The following HRH2 variants were observed in gnomAD, a reference collection of about 807,000 sequenced individuals.
The protein encoded by HRH2 is histamine receptor H2.
Under a neutral mutation model 20.1 loss-of-function variants are expected in HRH2, and 4 were observed. The ratio of observed to expected loss-of-function variants is 0.20; its 90% CI spans 0.10 to 0.45. The LOEUF (loss-of-function observed/expected upper bound fraction) is 0.45, where lower values mean the gene tolerates loss of function less well. Among genes scored for constraint, HRH2 ranks in the 20% least tolerant of loss-of-function variants. HRH2 has a pLI of 0.99. For synonymous variants in HRH2, 197 were observed against 200.7 expected, an observed-to-expected ratio of 0.98 and a Z score of 0.16; for missense variants, 250 against 461.6, an observed-to-expected ratio of 0.54 and a Z score of 4.20.
At chr5:175,667,459 A>C (rs1489467790) in intron 1 of HRH2, among the ~76,000 whole-genome samples, 6 of 80,056 alleles carry the variant, frequency 7.5e-5, no homozygotes, top group South Asian at 9.3e-4. Context: ...CCCACCCCCC[A>C]AAAAAAGAAA....
intron 2 of HRH2, among the ~76,000 whole-genome samples, chr5:175,698,890 A>C (rs1300577820): frequency 2.0e-5 from 3 of 152,214 alleles, no homozygotes; most frequent in Non-Finnish European, 4.4e-5. Context: ...CCTTGCTGGG[A>C]GTCTCCCCGG....
intron 1 of HRH2, among the ~76,000 whole-genome samples, chr5:175,673,038 A>C (rs1447274186): frequency 6.6e-6 from 1 of 152,134 alleles, no homozygotes; most frequent in African/African-American, 2.4e-5. Context: ...GGGGATGCCG[A>C]TCATAAGGGG....
chr5:175,683,159 C>T lies in HRH2; in HGVS notation c.-75C>T, dbSNP rs1229230351. ...TGGGAGCTTGGAGTCCAGTGGTTGG[C>T]ATAGTTGTCACATTGGGAGCAGAGA... On this transcript the variant is annotated 5_prime_UTR_variant, in exon 2 of 3. Transcript: ENST00000636584. 14 of 1,512,952 alleles carry T rather than the reference C, an allele frequency of 9.3e-6. No individual in the cohort carries two copies. Among genetic ancestry groups the T allele is most frequent in the Non-Finnish European group, 1.2e-5 (14 of 1,123,408 alleles). 93.7% of individuals were successfully genotyped at this position (1,512,952 alleles called of 1,614,324 possible).
At chr5:175,662,968 A>G (rs944832198) in intron 1 of HRH2, among the ~76,000 whole-genome samples, 4 of 152,234 alleles carry the variant, frequency 2.6e-5, no homozygotes, top group African/African-American at 9.6e-5. Context: ...CATGTTTTTA[A>G]GGTTCATCCA....
At chr5:175,704,580 T>G (rs1756885325) in intron 2 of HRH2, among the ~76,000 whole-genome samples, 1 of 152,078 alleles carries the variant, frequency 6.6e-6, no homozygotes, top group Non-Finnish European at 1.5e-5. Flanking sequence ...TTCAACATAT[T>G]ACCGGAGATC....
chr5:175,685,742 A>C (rs7734193), intron 2 of HRH2: 2 of 562,486 alleles, frequency 3.6e-6, no homozygotes, highest in East Asian at 6.0e-5. Context: ...TGAAGCTCAC[A>C]TGAGCGAAGG....
chr5:175,675,310 GT>G, intron 1 of HRH2, among the ~76,000 whole-genome samples: 1 of 152,278 alleles, frequency 6.6e-6, no homozygotes, highest in South Asian at 2.1e-4. Context: ...AGTTCCCTGG[GT>G]GATCTTACGG....
At chr5:175,660,123 A>C (rs1057137467) in intron 1 of HRH2, among the ~76,000 whole-genome samples, 1 of 152,224 alleles carries the variant, frequency 6.6e-6, no homozygotes. Flanking sequence ...GCTGTGGTCC[A>C]TCTCTGCCAA....
chr5:175,685,410 C>T lies in HRH2; in HGVS notation c.1076+1101C>T, dbSNP rs981504543. 2.5e-5 allele frequency: 39 copies of T among 1,550,832 alleles called. No individual in the cohort carries two copies. The African/African-American group carries it at 5.2e-4, about 21-fold the overall frequency. On this transcript the variant is annotated intron_variant, in intron 2 of 2. Transcript: ENST00000636584. ...TTGCTTTCCTTTCTCTTCCCACAGA[C>T]CATGGCTTTGCCTTCCAGAATGCTG...
chr5:175,685,386 T>G (rs749528378), intron 2 of HRH2: 141 of 1,542,324 alleles, frequency 9.1e-5, no homozygotes, highest in Non-Finnish European at 1.2e-5. Context: ...CAATAAATGT[T>G]GCTTTCCTTT....
At chr5:175,675,274 A>G (rs1217933720) in intron 1 of HRH2, among the ~76,000 whole-genome samples, 1 of 152,176 alleles carries the variant, frequency 6.6e-6, no homozygotes, top group South Asian at 2.1e-4. Flanking sequence ...TGAAATCAAG[A>G]GATATGGGGT....
chr5:175,673,070 G>A (rs747687372), intron 1 of HRH2, among the ~76,000 whole-genome samples: 4 of 152,194 alleles, frequency 2.6e-5, no homozygotes, highest in Non-Finnish European at 5.9e-5. Context: ...AGTGGTAAGA[G>A]CGTGTAACAG....
At chr5:175,661,207 G>A (rs1762727915) in intron 1 of HRH2, among the ~76,000 whole-genome samples, 2 of 151,946 alleles carry the variant, frequency 1.3e-5, no homozygotes, top group Non-Finnish European at 2.9e-5. Flanking sequence ...GATCTTCTAG[G>A]ACCCCACAGT....
rs28524706 is a variant in HRH2 at position 175,698,280 on chromosome 5, G to A, written c.1077-9499G>A. Among the ~76,000 whole-genome samples, 1,104 of 152,270 alleles carry A rather than the reference G, an allele frequency of 7.3e-3. 15 individuals are homozygous for A. Among genetic ancestry groups the A allele is most frequent in the African/African-American group, 0.025 (1,045 of 41,556 alleles). On this transcript the variant is annotated intron_variant, in intron 2 of 2. Transcript: ENST00000636584. ...CATCTCCGTATCCCTCGTATTATCC[G>A]TCTGTGCCGTTTCGCCTAATCCATT...
rs1035003777 is a variant in HRH2 at position 175,683,947 on chromosome 5, C to T, written c.714C>T (p.Ala238=). ...REHKATVTLA[A]VMGAFIICWF... The stretch of plus-strand genomic sequence containing the variant: ...ACAAAGCCACAGTGACACTGGCCGC[C>T]GTCATGGGGGCCTTCATCATCTGCT... Residue 238 remains alanine (A), a synonymous_variant, in exon 2 of 3, where the codon GCC becomes GCT. Transcript: ENST00000636584. The T allele has an allele frequency of 1.2e-5, 20 of 1,614,068 alleles. No individual in the cohort carries two copies. Among genetic ancestry groups the T allele is most frequent in the Non-Finnish European group, 1.5e-5 (18 of 1,180,044 alleles).
chr5:175,685,467 T>C, intron 2 of HRH2: 11 of 1,551,554 alleles, frequency 7.1e-6, no homozygotes, highest in Non-Finnish European at 9.6e-6. Context: ...ATTCATTCAT[T>C]TGTTCATTCA....
intron 2 of HRH2, among the ~76,000 whole-genome samples, chr5:175,696,419 T>G (rs991615337): frequency 7.2e-5 from 11 of 152,206 alleles, no homozygotes; most frequent in African/African-American, 2.7e-4. Context: ...GGGGCCACCC[T>G]GGACTTCTCA....
chr5:175,659,978 C>G (rs144313432), intron 1 of HRH2, among the ~76,000 whole-genome samples: 5 of 152,198 alleles, frequency 3.3e-5, no homozygotes, highest in Non-Finnish European at 7.3e-5. Context: ...CACCTTGTCC[C>G]GGTTAACCTT....
intron 2 of HRH2, among the ~76,000 whole-genome samples, chr5:175,688,844 C>A (rs1265281653): frequency 6.6e-6 from 1 of 152,164 alleles, no homozygotes. Flanking sequence ...GTTTCTGGAC[C>A]CCTGCCGAGG....
Sources: allele counts gnomAD v4.1 joint callset (sites outside exome capture counted in the v4.1 genomes callset), GRCh38; gene constraint gnomAD v4.1.1; transcripts MANE v1.5; gene names NCBI Gene and HGNC (gene_info 2026-07-23, HGNC 2026-07-21).